IP6K3: variants seen among roughly 807,000 people sequenced by gnomAD.
IP6K3 encodes the protein ATP:1D-myo-inositol-hexakisphosphate phosphotransferase.
Under a neutral mutation model 28.8 loss-of-function variants are expected in IP6K3, and 20 were observed. That is an observed-to-expected ratio of 0.70 (90% CI 0.49 to 1.01). The LOEUF is 1.01. Ranked by LOEUF, IP6K3 falls within the 50% of genes least tolerant of loss-of-function variation. The pLI, the probability that IP6K3 is intolerant of heterozygous loss-of-function variation, is 0.00. For synonymous variants in IP6K3, 213 were observed against 221.3 expected (o/e 0.96, Z 0.33); for missense variants, 480 against 537.1 (o/e 0.89, Z 1.05).
intron 2 of IP6K3, among the ~76,000 whole-genome samples, chr6:33,730,087 G>C (rs779549653): frequency 6.6e-6 from 1 of 152,136 alleles, no homozygotes; most frequent in African/African-American, 2.4e-5. Context: ...GGCCCTGACC[G>C]AAAGAGGGTA....
At chr6:33,729,202 C>A (rs533836073) in intron 2 of IP6K3, among the ~76,000 whole-genome samples, 1 of 152,266 alleles carries the variant, frequency 6.6e-6, no homozygotes, top group Non-Finnish European at 1.5e-5. Context: ...CGTCCTTCCT[C>A]TGGTGGTGGC....
At chr6:33,747,870 C>T (rs907682484), upstream of IP6K3, among the ~76,000 whole-genome samples, 11 of 152,046 alleles carry the variant, frequency 7.2e-5, no homozygotes, top group African/African-American at 1.7e-4. This position sits in a 1 kb window ranked among gnomAD's most constrained non-coding sequence, Gnocchi z 5.2. Context: ...CTGGGAGAGT[C>T]CTAGCCTGGT....
At chr6:33,737,313 A>G (rs1450454111) in intron 1 of IP6K3, among the ~76,000 whole-genome samples, 1 of 127,324 alleles carries the variant, frequency 7.9e-6, no homozygotes, top group Non-Finnish European at 1.6e-5. Context: ...GCACATTCCC[A>G]CAGCGGTGCC....
At chr6:33,754,933 C>A in the IP6K3 span, among the ~76,000 whole-genome samples, 2 of 152,186 alleles carry the variant, frequency 1.3e-5, no homozygotes, top group African/African-American at 2.4e-5. Context: ...CCATTATTAT[C>A]CCTTGATTGC....
chr6:33,750,491 G>C (rs1767008364), upstream of IP6K3, among the ~76,000 whole-genome samples: 1 of 152,164 alleles, frequency 6.6e-6, no homozygotes, highest in East Asian at 1.9e-4. The surrounding 1 kb of genome is among the most constrained non-coding windows in gnomAD (Gnocchi z 4.3). Context: ...TTCTGACACA[G>C]TCCACCACCT....
At chr6:33,758,282 A>G in the IP6K3 span, among the ~76,000 whole-genome samples, 2 of 152,174 alleles carry the variant, frequency 1.3e-5, no homozygotes, top group African/African-American at 4.8e-5. Flanking sequence ...TGGGAGGCCA[A>G]GGTGGGAGGG....
intron 2 of IP6K3, among the ~76,000 whole-genome samples, chr6:33,733,855 C>T (rs1027627217): frequency 3.9e-5 from 6 of 152,230 alleles, no homozygotes; most frequent in Non-Finnish European, 1.5e-5. Context: ...GGAAGCAATG[C>T]TCAAGGCTCC....
In IP6K3 at chr6:33,728,206, G is replaced by A. The variant is rs763099810; in HGVS notation, c.294C>T (p.Ser98=). ...ATATGGCCACCGCCGCCGACTCTGT[G>A]GAGACCTTGAAGGGCTCCTGGCTCT... is the stretch of plus-strand genomic sequence containing the variant. ...VKESQEPFKV[S]TESAAVAIWQ... Residue 98 remains serine, a synonymous_variant, in exon 3 of 6, where the codon TCC becomes TCT. Coordinates refer to ENST00000293756, the MANE Select transcript of IP6K3 (RefSeq NM_054111.5). The A allele has an allele frequency of 8.7e-6, 14 of 1,613,998 alleles. No homozygotes were observed.
chr6:33,736,337 C>G (rs1041640093), intron 1 of IP6K3, among the ~76,000 whole-genome samples: 1 of 152,172 alleles, frequency 6.6e-6, no homozygotes, highest in Non-Finnish European at 1.5e-5. Context: ...GCAAGCTGAG[C>G]CACTGCTGCT....
rs141827089 is a variant in IP6K3 at position 33,744,247 on chromosome 6, T to C, written c.-180+2511A>G. The stretch of plus-strand genomic sequence containing the variant: ...GAAGCTGCACCCAGGATTTTGGATA[T>C]TGCTAAACACCCAGACCTGCCTACA... On this transcript the variant is annotated intron_variant, in intron 1 of 5. Coordinates refer to ENST00000293756, the MANE Select transcript of IP6K3 (RefSeq NM_054111.5). The surrounding 1 kb of genome is among the most constrained non-coding windows in gnomAD (Gnocchi z 4.4). 6.2e-3 allele frequency among the ~76,000 whole-genome samples: 938 copies of C among 152,310 alleles called. 12 individuals carry two copies. The highest frequency in any genetic ancestry group is 0.021 in the African/African-American group (854 of 41,550).
chr6:33,740,100 G>A (rs1450106197), intron 1 of IP6K3, among the ~76,000 whole-genome samples: 1 of 152,200 alleles, frequency 6.6e-6, no homozygotes, highest in African/African-American at 2.4e-5. Context: ...TTTGAAGGGA[G>A]ACAGTTGTCC....
At chr6:33,727,551 C>A (rs191993735) in intron 3 of IP6K3, among the ~76,000 whole-genome samples, 1 of 152,300 alleles carries the variant, frequency 6.6e-6, no homozygotes, top group Non-Finnish European at 1.5e-5. Context: ...CCGTGGGGAG[C>A]CTTTTCACCT....
In IP6K3 at chr6:33,731,369, G is replaced by T. The variant is rs543361758; in HGVS notation, c.200-3069C>A. Among the ~76,000 whole-genome samples the T allele has an allele frequency of 3.3e-5, 5 of 152,334 alleles. No homozygotes were observed. In the South Asian group the frequency reaches 1.0e-3, roughly 32 times the overall value. ...CAGGCCCAGGAGGTCTCCCTGGAGG[G>T]ACAGGAAGCGTGACCTTCACCCACT... On this transcript the variant is annotated intron_variant, in intron 2 of 5. Transcript: ENST00000293756.
At chr6:33,738,794 C>A (rs1010867974) in intron 1 of IP6K3, among the ~76,000 whole-genome samples, 5 of 152,206 alleles carry the variant, frequency 3.3e-5, no homozygotes, top group Non-Finnish European at 1.5e-5. Context: ...GCCAAAGTCA[C>A]CTGTAAGTCA....
rs781709050 is a variant in IP6K3 at position 33,723,185 on chromosome 6, A to G, written c.768T>C (p.Val256=). The change falls in exon 6 of 6, where the codon GTT becomes GTC. Residue 256 remains valine (V), a splice_region_variant and synonymous_variant. Coordinates refer to ENST00000293756, the MANE Select transcript of IP6K3 (RefSeq NM_054111.5). ...GAAAGTACTTCTTATCTGTTTGATA[A>G]ACCTTACATTAAAAAGAATAAAGAA... The part of the protein sequence containing the change: ...CLGVRICGMQ[V]YQTDKKYFLC... 6.5e-7 allele frequency: 1 copy of G among 1,549,762 alleles called. No homozygotes were observed. The highest frequency in any genetic ancestry group is 1.4e-5 in the African/African-American group (1 of 72,380).
the IP6K3 span, among the ~76,000 whole-genome samples, chr6:33,756,592 G>A: frequency 6.6e-6 from 1 of 152,126 alleles, no homozygotes; most frequent in Non-Finnish European, 1.5e-5. Flanking sequence ...TGAAATCTTG[G>A]GGCCCTTCTG....
At chr6:33,727,475 T>C (rs781649841) in intron 3 of IP6K3, among the ~76,000 whole-genome samples, 2 of 152,234 alleles carry the variant, frequency 1.3e-5, no homozygotes, top group African/African-American at 2.4e-5. Flanking sequence ...TCTGCAGCAC[T>C]CCTTGGGAAG....
intron 2 of IP6K3, among the ~76,000 whole-genome samples, chr6:33,731,146 G>A (rs981060298): frequency 4.6e-5 from 7 of 152,202 alleles, no homozygotes; most frequent in African/African-American, 9.6e-5. Flanking sequence ...CAGCAGCCTC[G>A]TGCAGTTCCT....
chr6:33,724,980 A>G (rs143103408), intron 5 of IP6K3, among the ~76,000 whole-genome samples: 1,574 of 152,220 alleles, frequency 0.01, 22 homozygotes, highest in South Asian at 0.035. Flanking sequence ...AGTGGCTCAC[A>G]CCTGTAGTCC....
Sources: gnomAD v4.1 joint callset for allele counts (sites outside exome capture counted in the v4.1 genomes callset) on GRCh38, gnomAD v4.1.1 for gene constraint, Gnocchi (gnomAD v3.1) non-coding constraint, MANE v1.5 for transcripts, NCBI Gene and HGNC (gene_info 2026-07-23, HGNC 2026-07-21) for gene names.